Variants in GPD2 observed in about 807,000 individuals in gnomAD.
GPD2 encodes the protein glycerol-3-phosphate dehydrogenase 2.
A neutral mutation model predicts 82.4 loss-of-function variants in GPD2; 54 were observed. The ratio of observed to expected loss-of-function variants is 0.66; its 90% CI spans 0.53 to 0.82. The LOEUF is 0.82. Among genes scored for constraint, GPD2 ranks in the 40% least tolerant of loss-of-function variants. The pLI is 0.00. For synonymous variants in GPD2, 288 were observed against 306.1 expected (o/e 0.94, Z 0.62); for missense variants, 748 against 896.2 (o/e 0.83, Z 2.11).
At chr2:156,475,984 G>C in intron 1 of GPD2, 114 bp from the exon 2 acceptor site, 1 of 689,290 alleles carries the variant, frequency 1.5e-6, no homozygotes, top group South Asian at 1.6e-5. Flanking sequence ...CTTATTTTAT[G>C]TTTTCTTTTC....
intron 9 of GPD2, among the ~76,000 whole-genome samples, chr2:156,563,816 G>A (rs1336951553): frequency 6.6e-6 from 1 of 152,038 alleles, no homozygotes; most frequent in Non-Finnish European, 1.5e-5. Context: ...TTACTGTAGA[G>A]CTGCTCTGTG....
At chr2:156,523,558 A>G (rs1485255479) in intron 6 of GPD2, among the ~76,000 whole-genome samples, 1 of 151,512 alleles carries the variant, frequency 6.6e-6, no homozygotes, top group African/African-American at 2.4e-5. Context: ...CCTTTCCCCC[A>G]CTCCCCACTA....
intron 6 of GPD2, among the ~76,000 whole-genome samples, chr2:156,534,056 C>A (rs1312149043): frequency 6.6e-6 from 1 of 152,196 alleles, no homozygotes; most frequent in Non-Finnish European, 1.5e-5. Context: ...GTCACACAGA[C>A]AAATTGAAGG....
chr2:156,555,029 A>G (rs1052015471), intron 8 of GPD2, among the ~76,000 whole-genome samples: 9 of 152,242 alleles, frequency 5.9e-5, no homozygotes, highest in South Asian at 2.1e-4. Flanking sequence ...TGCGTATACT[A>G]TCGCTATAGT....
At chr2:156,478,094 C>CT (rs1349517483) in intron 2 of GPD2, among the ~76,000 whole-genome samples, 1 of 152,018 alleles carries the variant, frequency 6.6e-6, no homozygotes, top group African/African-American at 2.4e-5. Context: ...TGTTTTATCC[C>CT]TTTTTTTGGT....
intron 2 of GPD2, among the ~76,000 whole-genome samples, chr2:156,480,049 G>A (rs960759763): frequency 2.0e-5 from 3 of 152,192 alleles, no homozygotes; most frequent in Non-Finnish European, 4.4e-5. Flanking sequence ...TTTAGTATAG[G>A]TTGGTTTAAT....
intron 6 of GPD2, among the ~76,000 whole-genome samples, chr2:156,536,417 G>A (rs1377200144): frequency 1.3e-5 from 2 of 152,190 alleles, no homozygotes; most frequent in Non-Finnish European, 2.9e-5. Flanking sequence ...TGTAAATTGT[G>A]ACCAGATGAA....
At chr2:156,579,025 A>ATCT (rs1687928975) in intron 14 of GPD2, 24 bp downstream of exon 14, 3 of 1,546,516 alleles carry the variant, frequency 1.9e-6, no homozygotes, top group Non-Finnish European at 2.7e-6. Context: ...GTGTCTATCT[A>ATCT]TCTCTCTTTT....
intron 6 of GPD2, among the ~76,000 whole-genome samples, chr2:156,535,437 G>GGGGGA (rs138855830): frequency 1.2e-5 from 1 of 80,286 alleles, no homozygotes; most frequent in Non-Finnish European, 2.3e-5. Flanking sequence ...AGGGGGGTGG[G>GGGGGA]GAGAGAGAGA....
At chr2:156,428,110 A>G in the GPD2 span, among the ~76,000 whole-genome samples, 3 of 152,188 alleles carry the variant, frequency 2.0e-5, no homozygotes, top group African/African-American at 7.2e-5. Context: ...TGGGCCCAAT[A>G]AGGTAAAATT....
chr2:156,457,754 T>A (rs1439245984), intron 1 of GPD2, among the ~76,000 whole-genome samples: 1 of 152,228 alleles, frequency 6.6e-6, no homozygotes, highest in Non-Finnish European at 1.5e-5. Context: ...AACAATAGTC[T>A]TCTATATCCC....
chr2:156,463,554 A>G (rs1022686261), intron 1 of GPD2, among the ~76,000 whole-genome samples: 1 of 152,234 alleles, frequency 6.6e-6, no homozygotes, highest in African/African-American at 2.4e-5. Context: ...TAAAGTTAAA[A>G]TAGCTTTGGA....
At chr2:156,511,008 T>G in intron 4 of GPD2, 88 bp downstream of exon 4, 2 of 1,100,156 alleles carry the variant, frequency 1.8e-6, no homozygotes, top group Non-Finnish European at 2.8e-6. Context: ...TTTAATGGCT[T>G]AAAAGCATTT....
upstream of GPD2, chr2:156,435,295 T>C (rs934029367): frequency 3.9e-5 from 6 of 152,192 alleles, no homozygotes; most frequent in Admixed American, 1.3e-4. Context: ...AGGTTATTAG[T>C]ACAGCACCCA....
At chr2:156,445,256 G>C (rs1682330168) in intron 1 of GPD2, among the ~76,000 whole-genome samples, 1 of 152,150 alleles carries the variant, frequency 6.6e-6, no homozygotes, top group African/African-American at 2.4e-5. Flanking sequence ...GAAGTTAAGG[G>C]ACTTAAAGCC....
At chr2:156,569,644 T>C in intron 11 of GPD2, 106 bp downstream of exon 11, 2 of 873,088 alleles carry the variant, frequency 2.3e-6, no homozygotes, top group Admixed American at 1.8e-5. Context: ...TTCCTTTTGC[T>C]GAATACATTT....
intron 8 of GPD2, among the ~76,000 whole-genome samples, chr2:156,551,306 A>G (rs1343095095): frequency 6.6e-6 from 1 of 152,196 alleles, no homozygotes; most frequent in Non-Finnish European, 1.5e-5. Flanking sequence ...AAATAAGAAT[A>G]GCTATTAAAT....
chr2:156,486,911 G>A (rs951061146), intron 2 of GPD2, among the ~76,000 whole-genome samples: 1 of 152,202 alleles, frequency 6.6e-6, no homozygotes. Flanking sequence ...CCGGCTGGTT[G>A]GCTCAGTTGG....
rs528044376 is a variant in GPD2, at chr2:156,446,756, G to T, written c.-9+10243G>T. On this transcript the variant is annotated intron_variant, in intron 1 of 16. Transcript: ENST00000438166. Reference sequence around the variant, plus strand: ...TTTTTATATTTTTAGTAGAGACAAGGTTTCACCATGTTGGCCAGGCTGGTC... The same window carrying T: ...TTTTTATATTTTTAGTAGAGACAAGTTTTCACCATGTTGGCCAGGCTGGTC... Among the ~76,000 whole-genome samples the T allele has an allele frequency of 3.3e-5, 5 of 152,104 alleles. No individual in the cohort carries two copies. The South Asian group carries it at 1.0e-3, about 32-fold the overall frequency.
Sources: allele counts gnomAD v4.1 joint callset (sites outside exome capture counted in the v4.1 genomes callset), GRCh38; gene constraint gnomAD v4.1.1; transcripts MANE v1.5; gene names NCBI Gene and HGNC (gene_info 2026-07-23, HGNC 2026-07-21).